Variants in KIF16B observed in about 807,000 individuals in gnomAD.
KIF16B encodes the protein kinesin family member 16B.
In KIF16B, 98 loss-of-function variants were observed where a neutral mutation model predicts 156.3. That is an observed-to-expected ratio of 0.63 (90% CI 0.53 to 0.74). The LOEUF (loss-of-function observed/expected upper bound fraction) is 0.74, where lower values mean the gene tolerates loss of function less well. Among genes scored for constraint, KIF16B ranks in the 30% least tolerant of loss-of-function variants. The pLI, the probability that KIF16B is intolerant of heterozygous loss-of-function variation, is 0.00. For synonymous variants in KIF16B, 564 were observed against 583.7 expected, an observed-to-expected ratio of 0.97 and a Z score of 0.49; for missense variants, 1,421 against 1,606.5, an observed-to-expected ratio of 0.88 and a Z score of 1.97.
At chr20:16,420,206 T>C (rs1275134146) in intron 15 of KIF16B, among the ~76,000 whole-genome samples, 1 of 152,176 alleles carries the variant, frequency 6.6e-6, no homozygotes, top group Non-Finnish European at 1.5e-5. Context: ...GCCTTTTCTT[T>C]TGAGTGAAGA....
intron 12 of KIF16B, among the ~76,000 whole-genome samples, chr20:16,470,197 A>G (rs574664718): frequency 7.1e-4 from 108 of 152,328 alleles, no homozygotes; most frequent in African/African-American, 2.2e-3. Flanking sequence ...AGAGGGTTGA[A>G]CAGTCAGAGC....
intron 25 of KIF16B, among the ~76,000 whole-genome samples, chr20:16,311,421 G>A (rs2063618234): frequency 6.6e-6 from 1 of 152,214 alleles, no homozygotes; most frequent in African/African-American, 2.4e-5. Flanking sequence ...CTGAGGGGTG[G>A]AGGTTGCAGT....
At position 16,356,212 on chromosome 20, in the gene KIF16B, T is replaced by C; in HGVS notation, c.3621+118A>G. The C allele has an allele frequency of 3.0e-6, 4 of 1,326,070 alleles. No homozygotes were observed. In the South Asian group the frequency reaches 5.1e-5, roughly 17 times the overall value. 82.1% of individuals were successfully genotyped at this position (1,326,070 alleles called of 1,614,324 possible). A position where few individuals can be genotyped will look rare whatever the true frequency, so the allele number is the denominator to read the frequency against. ...TGGTTTAAAGAAGGGCAAGACCAAA[T>C]ATTTTACAAACAGGATATTCACATG... is the stretch of plus-strand genomic sequence containing the variant. On this transcript the variant is annotated intron_variant, in intron 23 of 25. Transcript: ENST00000354981.
At chr20:16,492,234 TA>T (rs1036888531) in intron 12 of KIF16B, among the ~76,000 whole-genome samples, 22 of 152,320 alleles carry the variant, frequency 1.4e-4, no homozygotes, top group African/African-American at 4.8e-4. Flanking sequence ...ACCCATCAAC[TA>T]ACAATCAATT....
At chr20:16,450,058 T>C (rs1207940003) in intron 12 of KIF16B, among the ~76,000 whole-genome samples, 1 of 152,202 alleles carries the variant, frequency 6.6e-6, no homozygotes, top group Non-Finnish European at 1.5e-5. Context: ...GGCTGGGCCA[T>C]GGTACAAGAA....
intron 25 of KIF16B, among the ~76,000 whole-genome samples, chr20:16,290,541 G>C (rs2122477610): frequency 6.6e-6 from 1 of 152,290 alleles, no homozygotes; most frequent in South Asian, 2.1e-4. Context: ...ATAACCTGCT[G>C]CCTGTGTTTT....
chr20:16,392,829 T>C (rs762724734), intron 17 of KIF16B, among the ~76,000 whole-genome samples: 8 of 152,234 alleles, frequency 5.3e-5, no homozygotes, highest in Non-Finnish European at 1.0e-4. Flanking sequence ...TGCTTTAATT[T>C]AAGCAGCAGT....
chr20:16,522,030 A>G (rs1430203495), intron 3 of KIF16B, among the ~76,000 whole-genome samples: 1 of 152,230 alleles, frequency 6.6e-6, no homozygotes, highest in African/African-American at 2.4e-5. Context: ...AGCACAAAAT[A>G]TGGAAAGGAA....
intron 25 of KIF16B, among the ~76,000 whole-genome samples, chr20:16,306,726 G>C (rs2063546142): frequency 6.6e-6 from 1 of 151,960 alleles, no homozygotes. Context: ...GCACCATAAG[G>C]CTCCATCATT....
intron 15 of KIF16B, among the ~76,000 whole-genome samples, chr20:16,418,497 T>C (rs2066145904): frequency 6.6e-6 from 1 of 152,154 alleles, no homozygotes; most frequent in East Asian, 1.9e-4. Context: ...TTGGAAAGAC[T>C]TGTTTCACTG....
At chr20:16,374,540 A>T in intron 19 of KIF16B, 131 bp from the exon 20 acceptor site, 1 of 835,122 alleles carries the variant, frequency 1.2e-6, no homozygotes, top group Non-Finnish European at 1.7e-6. Context: ...TTTACCTTCT[A>T]GTAGAAAAGG....
At chr20:16,411,803 G>A (rs1451929514) in intron 15 of KIF16B, among the ~76,000 whole-genome samples, 1 of 152,126 alleles carries the variant, frequency 6.6e-6, no homozygotes, top group Non-Finnish European at 1.5e-5. Flanking sequence ...AACTGTGTGT[G>A]TGGTGGACCT....
intron 25 of KIF16B, among the ~76,000 whole-genome samples, chr20:16,276,590 C>T (rs772225804): frequency 2.6e-5 from 4 of 152,168 alleles, no homozygotes; most frequent in Admixed American, 2.6e-4. Context: ...TTTGCAGCGA[C>T]CTCAAAGTGC....
Position 16,508,034 on chromosome 20 carries a change from T to C in KIF16B, c.623A>G (p.Asn208Ser), listed in dbSNP as rs1279304813. 6.2e-7 allele frequency: 1 copy of C among 1,614,044 alleles called. No homozygotes were observed. Among genetic ancestry groups the C allele is most frequent in the African/African-American group, 1.3e-5 (1 of 74,932 alleles). ...CATCCCAGTCGCTGCGGTGGTCCGGTTGATATTGCCCGCATCCATAAGTTC... is the reference window on the plus strand; with the variant it reads ...CATCCCAGTCGCTGCGGTGGTCCGGCTGATATTGCCCGCATCCATAAGTTC... The part of the protein sequence containing the change: ...VEELMDAGNI[N>S]RTTAATGMND... The change falls in exon 7 of 26, where the codon AAC becomes AGC. Residue 208 changes from asparagine (N) to serine (S), a missense_variant. Asn to Ser is a conservative substitution (Grantham distance 46). Transcript: ENST00000354981.
rs938918961 is a variant in KIF16B, at chr20:16,506,759, G to C, written c.700-569C>G. On this transcript the variant is annotated intron_variant, in intron 7 of 25. Coordinates refer to ENST00000354981, the MANE Select transcript of KIF16B (RefSeq NM_024704.5). ...CATTTTGAACCAAAATGCGCCCCCC[G>C]CCAGATTACTATATTTTTATAGAAA... is the stretch of plus-strand genomic sequence containing the variant. Among the ~76,000 whole-genome samples the C allele has an allele frequency of 2.6e-5, 4 of 151,958 alleles. No homozygotes were observed. In the South Asian group the frequency reaches 8.4e-4, roughly 32 times the overall value.
At chr20:16,570,713 T>C (rs565544860) in intron 1 of KIF16B, among the ~76,000 whole-genome samples, 21 of 152,296 alleles carry the variant, frequency 1.4e-4, no homozygotes, top group African/African-American at 5.1e-4. Flanking sequence ...ATTCTCATCA[T>C]CCTGGCAATA....
intron 11 of KIF16B, among the ~76,000 whole-genome samples, chr20:16,494,766 T>G (rs1400739319): frequency 6.6e-6 from 1 of 152,236 alleles, no homozygotes; most frequent in African/African-American, 2.4e-5. Context: ...TCACCTTGGA[T>G]GCTGTAGTTT....
intron 1 of KIF16B, among the ~76,000 whole-genome samples, chr20:16,534,258 T>TA (rs11482450): frequency 0.41 from 60,585 of 147,556 alleles, 12,180 homozygotes; most frequent in Non-Finnish European, 0.43. Context: ...CTGTCTCAAA[T>TA]AAAAAAAAAA....
At chr20:16,501,575 C>G (rs764903758) in intron 10 of KIF16B, among the ~76,000 whole-genome samples, 3 of 151,906 alleles carry the variant, frequency 2.0e-5, no homozygotes, top group Admixed American at 1.3e-4. Flanking sequence ...AGTAACAGCC[C>G]GAAATAGGAA....
Sources: allele counts gnomAD v4.1 joint callset (sites outside exome capture counted in the v4.1 genomes callset), GRCh38; gene constraint gnomAD v4.1.1; transcripts MANE v1.5; gene names NCBI Gene and HGNC (gene_info 2026-07-23, HGNC 2026-07-21).